TNIK: variants seen among roughly 807,000 people sequenced by gnomAD.
TNIK encodes the protein TRAF2 and NCK interacting kinase, also known as TRAF2 and NCK-interacting protein kinase.
Under a neutral mutation model 191.3 loss-of-function variants are expected in TNIK, and 49 were observed. That is an observed-to-expected ratio of 0.26 (90% confidence interval 0.20 to 0.32). The LOEUF (loss-of-function observed/expected upper bound fraction) is 0.32. Ranked by LOEUF, TNIK falls within the 10% of genes least tolerant of loss-of-function variation. The pLI, the probability that TNIK is intolerant of heterozygous loss-of-function variation, is 1.00. For missense variants in TNIK, 1,155 were observed against 1,702.3 expected (o/e 0.68, Z 5.66); for synonymous variants, 594 against 600.9 (o/e 0.99, Z 0.17).
chr3:171,450,767 T>A (rs1024563848), intron 1 of TNIK, among the ~76,000 whole-genome samples: 9 of 152,236 alleles, frequency 5.9e-5, no homozygotes, highest in African/African-American at 2.2e-4. Context: ...TTTAAATGAA[T>A]GAATTAATTG....
intron 4 of TNIK, among the ~76,000 whole-genome samples, chr3:171,205,802 T>C (rs1025278528): frequency 1.3e-5 from 2 of 152,138 alleles, no homozygotes; most frequent in East Asian, 3.9e-4. Context: ...AAGCCCTGAA[T>C]GATCTGGATC....
intron 15 of TNIK, among the ~76,000 whole-genome samples, chr3:171,137,968 C>CAAAAAAAAAAAAAAAAAAAAA (rs58897378): frequency 8.4e-6 from 1 of 119,568 alleles, no homozygotes. Context: ...CAAAGATATA[C>CAAAAAAAAAAAAAAAAAAAAA]AAAAAAAAAA....
chr3:171,178,831 G>A (rs1736288012), intron 7 of TNIK, among the ~76,000 whole-genome samples: 2 of 152,114 alleles, frequency 1.3e-5, no homozygotes, highest in African/African-American at 2.4e-5. Flanking sequence ...CCTTGCTATT[G>A]CCATCAAACA....
At chr3:171,381,868 T>C (rs916587609) in intron 1 of TNIK, among the ~76,000 whole-genome samples, 4 of 152,234 alleles carry the variant, frequency 2.6e-5, no homozygotes, top group African/African-American at 9.6e-5. Flanking sequence ...CAGCCATTTC[T>C]GATCCTGAGG....
intron 6 of TNIK, among the ~76,000 whole-genome samples, chr3:171,189,170 A>G (rs1475462066): frequency 6.6e-6 from 1 of 152,174 alleles, no homozygotes; most frequent in African/African-American, 2.4e-5. Context: ...GTGGAATCAT[A>G]CAGTATTTGT....
intron 4 of TNIK, among the ~76,000 whole-genome samples, chr3:171,204,709 T>C (rs1739849191): frequency 6.6e-6 from 1 of 152,220 alleles, no homozygotes; most frequent in Non-Finnish European, 1.5e-5. Flanking sequence ...CTTTGAATAT[T>C]GGGTAAATAG....
Position 171,063,269 on chromosome 3 carries a change from C to T in TNIK, c.*612G>A, listed in dbSNP as rs1026301262. On this transcript the variant is annotated 3_prime_UTR_variant, in exon 33 of 33. Transcript: ENST00000436636. Reference sequence around the variant, plus strand: ...AGAGGGGAAAACTAGTATTTTTCTTCTCTTTTTAAAAATTCATTAGCCAGT... The same window carrying T: ...AGAGGGGAAAACTAGTATTTTTCTTTTCTTTTTAAAAATTCATTAGCCAGT... 4 of 152,202 alleles carry T rather than the reference C, an allele frequency of 2.6e-5. No individual in the cohort carries two copies. Among genetic ancestry groups the T allele is most frequent in the Non-Finnish European group, 5.9e-5 (4 of 68,032 alleles). 9.4% of individuals were successfully genotyped at this position (152,202 alleles called of 1,614,324 possible). A position where few individuals can be genotyped will look rare whatever the true frequency, so the allele number is the denominator to read the frequency against.
rs1443688442 is a variant in TNIK at position 171,365,135 on chromosome 3, A to G, written c.123+4485T>C. ...ACGGAGAAATTTTCTTCAAATATCA[A>G]AAGGACTACACAAAAGGACTACATT... On this transcript the variant is annotated intron_variant, in intron 2 of 32. Coordinates refer to ENST00000436636, the MANE Select transcript of TNIK (RefSeq NM_015028.4). Among the ~76,000 whole-genome samples the G allele has an allele frequency of 3.4e-5, 5 of 145,142 alleles. No individual in the cohort carries two copies. In the Admixed American group the frequency reaches 3.5e-4, roughly 10 times the overall value.
At position 171,450,679 on chromosome 3, in the gene TNIK, C is replaced by A. The variant is rs76756810; in HGVS notation, c.57+9328G>T. Among the ~76,000 whole-genome samples the A allele has an allele frequency of 4.3e-3, 650 of 152,234 alleles. 6 individuals are homozygous for A. The highest frequency in any genetic ancestry group is 0.015 in the African/African-American group (618 of 41,544). On this transcript the variant is annotated intron_variant, in intron 1 of 32. Coordinates refer to ENST00000436636, the MANE Select transcript of TNIK (RefSeq NM_015028.4). ...CCTTAACATGGTTTTATGGCTTTAT[C>A]CTATTTATGCCTTTTATCAGAAGGT... is the stretch of plus-strand genomic sequence containing the variant.
At chr3:171,292,954 T>C (rs1340301392) in intron 2 of TNIK, among the ~76,000 whole-genome samples, 2 of 152,082 alleles carry the variant, frequency 1.3e-5, no homozygotes, top group African/African-American at 2.4e-5. Flanking sequence ...GAGTTTTTAA[T>C]CACAACTTCG....
chr3:171,301,894 G>A (rs1416540160), intron 2 of TNIK, among the ~76,000 whole-genome samples: 1 of 152,184 alleles, frequency 6.6e-6, no homozygotes, highest in Admixed American at 6.6e-5. Flanking sequence ...GTACATTGGG[G>A]TGAAATAGCA....
chr3:171,194,941 C>G (rs1738512510), intron 4 of TNIK, among the ~76,000 whole-genome samples: 1 of 132,016 alleles, frequency 7.6e-6, no homozygotes, highest in African/African-American at 2.8e-5. Context: ...GAGAATATCT[C>G]TGTTTTAACT....
chr3:171,111,971 A>AT (rs1275025265), intron 18 of TNIK, among the ~76,000 whole-genome samples: 14 of 152,212 alleles, frequency 9.2e-5, no homozygotes, highest in Non-Finnish European at 1.5e-5. Flanking sequence ...CTTGGACAGC[A>AT]TGAGTAACTT....
At chr3:171,139,407 C>G (rs1335772598) in intron 14 of TNIK, 63 bp downstream of exon 14, 1 of 1,461,190 alleles carries the variant, frequency 6.8e-7, no homozygotes. Context: ...CACACACACA[C>G]ACACACAAAC....
At chr3:171,147,907 G>T (rs1731857842) in intron 12 of TNIK, among the ~76,000 whole-genome samples, 1 of 152,106 alleles carries the variant, frequency 6.6e-6, no homozygotes. Context: ...CAAAGTAAAA[G>T]ATACTGTCTA....
chr3:171,265,540 A>G (rs189556363), intron 2 of TNIK, among the ~76,000 whole-genome samples: 1 of 152,364 alleles, frequency 6.6e-6, no homozygotes, highest in East Asian at 1.9e-4. Flanking sequence ...AAACTGGTGA[A>G]AAACAAAACT....
chr3:171,336,472 G>A (rs1756961752), intron 2 of TNIK, among the ~76,000 whole-genome samples: 1 of 152,162 alleles, frequency 6.6e-6, no homozygotes, highest in Admixed American at 6.5e-5. Context: ...GTAACCTGCT[G>A]TATGACCACA....
intron 2 of TNIK, among the ~76,000 whole-genome samples, chr3:171,231,488 T>G (rs1743639379): frequency 6.6e-6 from 1 of 152,188 alleles, no homozygotes; most frequent in Non-Finnish European, 1.5e-5. Context: ...TGGGCTTACA[T>G]GAGATCCTGG....
At chr3:171,285,635 G>C (rs1033721530) in intron 2 of TNIK, among the ~76,000 whole-genome samples, 1 of 152,092 alleles carries the variant, frequency 6.6e-6, no homozygotes, top group African/African-American at 2.4e-5. Flanking sequence ...TTATTAAGAG[G>C]CACCCATTTT....
Sources: allele counts gnomAD v4.1 joint callset (sites outside exome capture counted in the v4.1 genomes callset), GRCh38; gene constraint gnomAD v4.1.1; transcripts MANE v1.5; gene names NCBI Gene and HGNC (gene_info 2026-07-23, HGNC 2026-07-21).